The following DAG1 variants were observed in gnomAD, a reference collection of about 807,000 sequenced individuals.
DAG1 encodes the protein dystroglycan 1, also known as dystroglycan 1 (dystrophin-associated glycoprotein 1).
A neutral mutation model predicts 46.1 loss-of-function variants in DAG1; 8 were observed. The observed-to-expected ratio is 0.17, with a 90% CI of 0.10 to 0.31. DAG1 has a LOEUF of 0.31. Ranked by LOEUF, DAG1 falls within the 10% of genes least tolerant of loss-of-function variation. The pLI, the probability that DAG1 is intolerant of heterozygous loss-of-function variation, is 1.00. For synonymous variants in DAG1, 495 were observed against 481.8 expected, an observed-to-expected ratio of 1.03 and a Z score of -0.36; for missense variants, 1,003 against 1,189.9, an observed-to-expected ratio of 0.84 and a Z score of 2.31.
At chr3:49,476,315 C>T (rs889761344) in intron 1 of DAG1, among the ~76,000 whole-genome samples, 11 of 152,214 alleles carry the variant, frequency 7.2e-5, no homozygotes, top group South Asian at 2.1e-4. Context: ...TTGGGCTGGG[C>T]GCAGTGGCTC....
intron 1 of DAG1, among the ~76,000 whole-genome samples, chr3:49,502,142 G>A (rs2050469800): frequency 6.6e-6 from 1 of 152,160 alleles, no homozygotes; most frequent in Non-Finnish European, 1.5e-5. Flanking sequence ...TTTCCAGCCT[G>A]GGTGACCAAA....
chr3:49,478,023 T>G (rs2049732101), intron 1 of DAG1, among the ~76,000 whole-genome samples: 1 of 151,216 alleles, frequency 6.6e-6, no homozygotes, highest in Non-Finnish European at 1.5e-5. Flanking sequence ...TCCCAGCACT[T>G]TGGGAGGCCG....
At chr3:49,496,023 C>T (rs895251023) in intron 1 of DAG1, among the ~76,000 whole-genome samples, 1 of 151,998 alleles carries the variant, frequency 6.6e-6, no homozygotes, top group Non-Finnish European at 1.5e-5. Flanking sequence ...TTTCTGTCTT[C>T]AGTGTCTTAC....
chr3:49,510,095 G>T, intron 1 of DAG1: 1 of 288,114 alleles, frequency 3.5e-6, no homozygotes, highest in East Asian at 6.2e-5. Flanking sequence ...ATATTTTATT[G>T]AATGTATCTG....
intron 2 of DAG1, among the ~76,000 whole-genome samples, chr3:49,512,322 C>A (rs1202670149): frequency 6.6e-6 from 1 of 152,150 alleles, no homozygotes; most frequent in Non-Finnish European, 1.5e-5. Flanking sequence ...CCTGCCTCAG[C>A]CTCCTCAGTA....
intron 1 of DAG1, among the ~76,000 whole-genome samples, chr3:49,504,311 T>C (rs956802706): frequency 6.6e-6 from 1 of 152,036 alleles, no homozygotes; most frequent in Non-Finnish European, 1.5e-5. Flanking sequence ...TTCATCCAAG[T>C]TGTTGAGCGT....
Position 49,529,962 on chromosome 3 carries a change from C to G in DAG1, c.286-835C>G, listed in dbSNP as rs201852158. ...TGAGTTGGAATAAGGTGATGAGCTC[C>G]TTAGGCCTGCTTCTGTGCCTGGTCT... On this transcript the variant is annotated intron_variant, in intron 2 of 2. Coordinates refer to ENST00000308775, the MANE Select transcript of DAG1 (RefSeq NM_004393.6). Among the ~76,000 whole-genome samples, 7 of 152,128 alleles carry G rather than the reference C, an allele frequency of 4.6e-5. No homozygotes were observed. The East Asian group carries it at 1.3e-3, about 29-fold the overall frequency.
intron 2 of DAG1, among the ~76,000 whole-genome samples, chr3:49,517,017 G>C (rs886761056): frequency 6.8e-6 from 1 of 146,588 alleles, no homozygotes; most frequent in African/African-American, 2.5e-5. Context: ...TAATTGAGAC[G>C]GAGTCTCGCT....
rs550295660 is a variant in DAG1, at chr3:49,496,700, C to T, written c.-116-13719C>T. 3.3e-5 allele frequency among the ~76,000 whole-genome samples: 5 copies of T among 151,138 alleles called. No homozygotes were observed. In the East Asian group the frequency reaches 7.8e-4, roughly 24 times the overall value. ...TTTTTTTTTTGGCACAATCTCGGCTCACTGCAACCTCTACCTCCCAAGTTC... is the reference window on the plus strand; with the variant it reads ...TTTTTTTTTTGGCACAATCTCGGCTTACTGCAACCTCTACCTCCCAAGTTC... On this transcript the variant is annotated intron_variant, in intron 1 of 2. Transcript: ENST00000308775.
chr3:49,501,884 A>G (rs973862155), intron 1 of DAG1, among the ~76,000 whole-genome samples: 5 of 152,110 alleles, frequency 3.3e-5, no homozygotes, highest in Non-Finnish European at 5.9e-5. Flanking sequence ...ATGCAACAGT[A>G]AAGAAAACTG....
intron 1 of DAG1, among the ~76,000 whole-genome samples, chr3:49,505,097 C>G (rs1186462210): frequency 6.6e-6 from 1 of 151,408 alleles, no homozygotes; most frequent in Non-Finnish European, 1.5e-5. Flanking sequence ...TGGGCTCAAG[C>G]GATCCTCCCA....
intron 1 of DAG1, among the ~76,000 whole-genome samples, chr3:49,497,143 AAACT>A (rs1372129605): frequency 6.6e-6 from 1 of 151,658 alleles, no homozygotes; most frequent in African/African-American, 2.4e-5. Flanking sequence ...TACAAAATAA[AAACT>A]AAAAAATGGC....
intron 1 of DAG1, among the ~76,000 whole-genome samples, chr3:49,475,046 T>G (rs2049640256): frequency 6.6e-6 from 1 of 151,550 alleles, no homozygotes. Context: ...TCTACTGACC[T>G]CTTGATCTGC....
At chr3:49,478,551 T>TA (rs61667510) in intron 1 of DAG1, among the ~76,000 whole-genome samples, 16 of 146,154 alleles carry the variant, frequency 1.1e-4, no homozygotes, top group South Asian at 2.2e-4. Context: ...TTTTTTTTTT[T>TA]AAATTTTTTG....
Position 49,533,115 on chromosome 3 carries a change from C to G in DAG1, c.2604C>G (p.Pro868=). 6.2e-7 allele frequency: 1 copy of G among 1,614,226 alleles called. No individual in the cohort carries two copies. The highest frequency in any genetic ancestry group is 8.5e-7 in the Non-Finnish European group (1 of 1,180,048). ...CGCCTCCCTACCAGCCCCCACCGCC[C>G]TTCACAGCACCCATGGAGGGCAAGG... ...PNAPPYQPPP[P]FTAPMEGKGS... The change falls in exon 3 of 3, where the codon CCC becomes CCG. Residue 868 remains proline, a synonymous_variant. Coordinates refer to ENST00000308775, the MANE Select transcript of DAG1 (RefSeq NM_004393.6).
intron 1 of DAG1, among the ~76,000 whole-genome samples, chr3:49,475,904 A>G (rs1019887470): frequency 6.6e-6 from 1 of 151,864 alleles, no homozygotes; most frequent in Non-Finnish European, 1.5e-5. Context: ...TATTTTTAGT[A>G]GAGACGGGGT....
At chr3:49,506,065 C>T (rs1323657198) in intron 1 of DAG1, among the ~76,000 whole-genome samples, 5 of 151,190 alleles carry the variant, frequency 3.3e-5, no homozygotes, top group East Asian at 3.9e-4. Flanking sequence ...CTACAACCAC[C>T]GCCTCCTGGG....
rs1270153261 is a variant in DAG1 at position 49,533,379 on chromosome 3, G to T, written c.*180G>T. 1 of 907,856 alleles carries T rather than the reference G, an allele frequency of 1.1e-6. No homozygotes were observed. The highest frequency in any genetic ancestry group is 1.6e-5 in the African/African-American group (1 of 61,056). The allele number at this position is 907,856 out of a possible 1,614,324, so 56.2% of individuals were successfully genotyped here. ...TCTGGTCCTCCCAAACCCCAAAGCA[G>T]CTGGAGAGACTTTGGGGACTTTTTT... On this transcript the variant is annotated 3_prime_UTR_variant, in exon 3 of 3. Coordinates refer to ENST00000308775, the MANE Select transcript of DAG1 (RefSeq NM_004393.6).
At chr3:49,482,748 G>T (rs1194680345) in intron 1 of DAG1, among the ~76,000 whole-genome samples, 1 of 152,148 alleles carries the variant, frequency 6.6e-6, no homozygotes, top group Non-Finnish European at 1.5e-5. Context: ...CATGGATACC[G>T]AGGGAAGAGT....
Sources: gnomAD v4.1 joint callset for allele counts (sites outside exome capture counted in the v4.1 genomes callset) on GRCh38, gnomAD v4.1.1 for gene constraint, MANE v1.5 for transcripts, NCBI Gene and HGNC (gene_info 2026-07-23, HGNC 2026-07-21) for gene names.